Variants in DIP2B observed in about 807,000 individuals in gnomAD.
DIP2B encodes disco-interacting protein 2 homolog B.
In DIP2B, 76 loss-of-function variants were observed where a neutral mutation model predicts 198.0. That is an observed-to-expected ratio of 0.38 (90% CI 0.32 to 0.46). The LOEUF (loss-of-function observed/expected upper bound fraction) is 0.46. DIP2B is among the 20% of genes least tolerant of loss of function. DIP2B has a pLI of 0.99. For synonymous variants in DIP2B, 701 were observed against 739.1 expected (o/e 0.95, Z 0.84); for missense variants, 1,559 against 1,978.4 (o/e 0.79, Z 4.02).
chr12:50,727,879 A>G (rs1053997413), intron 29 of DIP2B, 67 bp downstream of exon 29: 6 of 1,383,224 alleles, frequency 4.3e-6, no homozygotes, highest in Admixed American at 3.4e-5. Flanking sequence ...CCCAGAAACT[A>G]TAGATGCAGA....
intron 1 of DIP2B, among the ~76,000 whole-genome samples, chr12:50,584,921 T>G (rs1019253908): frequency 6.6e-6 from 1 of 152,220 alleles, no homozygotes; most frequent in African/African-American, 2.4e-5. Context: ...CTGCATTACA[T>G]GTAGAATCAA....
intron 2 of DIP2B, among the ~76,000 whole-genome samples, chr12:50,632,619 C>T (rs1247084924): frequency 4.6e-5 from 7 of 151,526 alleles, no homozygotes; most frequent in African/African-American, 1.2e-4. Context: ...TCACTGCAAC[C>T]TCCACCTCCC....
In DIP2B at chr12:50,706,688, G is replaced by A. The variant is rs200874121; in HGVS notation, c.2534+23G>A. 5.6e-6 allele frequency: 9 copies of A among 1,612,246 alleles called. No individual in the cohort carries two copies. The African/African-American group carries it at 6.7e-5, about 12-fold the overall frequency. On this transcript the variant is annotated intron_variant, in intron 21 of 37. Transcript: ENST00000301180. ...AAGGTGAGTAGTACAAAATTCAAAT[G>A]TTAGCACCTTTTAATGGAATCTAAA...
In DIP2B at chr12:50,516,786, C is replaced by T. The variant is rs560707503; in HGVS notation, c.100+11546C>T. On this transcript the variant is annotated intron_variant, in intron 1 of 37. Coordinates refer to ENST00000301180, the MANE Select transcript of DIP2B (RefSeq NM_173602.3). ...GGTCAGGAGTTCGAGACCAGCCTGGCCAACATGGCGAAACCCTATCAGTAC... is the reference window on the plus strand; with the variant it reads ...GGTCAGGAGTTCGAGACCAGCCTGGTCAACATGGCGAAACCCTATCAGTAC... Among the ~76,000 whole-genome samples the T allele has an allele frequency of 5.3e-4, 80 of 152,094 alleles. 2 individuals are homozygous for T. The highest frequency in any genetic ancestry group is 1.9e-3 in the African/African-American group (77 of 41,520).
At chr12:50,735,448 TTTTTTTG>T (rs922281850) in intron 34 of DIP2B, among the ~76,000 whole-genome samples, 6 of 125,430 alleles carry the variant, frequency 4.8e-5, no homozygotes, top group South Asian at 2.4e-4. Flanking sequence ...TTTTCATGGT[TTTTTTTG>T]TTTTTTTGTT....
At chr12:50,687,116 A>G (rs1366927175) in intron 12 of DIP2B, among the ~76,000 whole-genome samples, 1 of 152,200 alleles carries the variant, frequency 6.6e-6, no homozygotes, top group Non-Finnish European at 1.5e-5. Flanking sequence ...AAGGTTTGAT[A>G]TTGAGGTTGG....
At chr12:50,642,440 C>T (rs1938272830) in intron 3 of DIP2B, among the ~76,000 whole-genome samples, 1 of 152,002 alleles carries the variant, frequency 6.6e-6, no homozygotes, top group African/African-American at 2.4e-5. Flanking sequence ...TGGCACAGGG[C>T]CTTCCATATA....
chr12:50,708,859 G>A lies in DIP2B; in HGVS notation c.2649+297G>A, dbSNP rs147079805. 2.9e-3 allele frequency among the ~76,000 whole-genome samples: 444 copies of A among 152,320 alleles called. 4 individuals are homozygous for A. The highest frequency in any genetic ancestry group is 0.01 in the African/African-American group (422 of 41,564). On this transcript the variant is annotated intron_variant, in intron 22 of 37. Coordinates refer to ENST00000301180, the MANE Select transcript of DIP2B (RefSeq NM_173602.3). ...ACTGTCATATGTGGAACACATCTCT[G>A]GCAGTAATCAATCCACTTGTCAACA...
At position 50,685,930 on chromosome 12, in the gene DIP2B, A is replaced by G. The variant is rs1160824768; in HGVS notation, c.1415A>G (p.Gln472Arg). 6.2e-7 allele frequency: 1 copy of G among 1,613,842 alleles called. No individual in the cohort carries two copies. The highest frequency in any genetic ancestry group is 1.3e-5 in the African/African-American group (1 of 74,946). The change falls in exon 11 of 38, where the codon CAG (glutamine) becomes CGG (arginine). Residue 472 changes from glutamine (Q) to arginine (R), a missense_variant. Transcript: ENST00000301180. ...TGTCTAAAAGGACTGCCAAAAACCCAGAATGGAGAAATTGTACAGTTTAAA... is the reference window on the plus strand; with the variant it reads ...TGTCTAAAAGGACTGCCAAAAACCCGGAATGGAGAAATTGTACAGTTTAAA... The part of the protein sequence containing the change: ...EVCLKGLPKT[Q>R]NGEIVQFKGW...
intron 1 of DIP2B, among the ~76,000 whole-genome samples, chr12:50,558,942 A>G (rs1024916621): frequency 7.2e-5 from 11 of 152,190 alleles, no homozygotes; most frequent in Non-Finnish European, 4.4e-5. Flanking sequence ...AGCCAAGAGA[A>G]TGTCCTTTCC....
intron 22 of DIP2B, among the ~76,000 whole-genome samples, chr12:50,708,889 G>C (rs1939562214): frequency 6.6e-6 from 1 of 152,236 alleles, no homozygotes; most frequent in Admixed American, 6.5e-5. Context: ...TCAACAGTCA[G>C]TCACAGTTTT....
At chr12:50,741,312 C>A in intron 36 of DIP2B, 104 bp from the exon 37 acceptor site, 1 of 1,413,002 alleles carries the variant, frequency 7.1e-7, no homozygotes, top group Non-Finnish European at 9.5e-7. Context: ...TTGGTAGGGG[C>A]AGAGCCAGGT....
chr12:50,638,911 A>C (rs940117851), intron 2 of DIP2B, among the ~76,000 whole-genome samples: 6 of 151,168 alleles, frequency 4.0e-5, no homozygotes, highest in Admixed American at 4.0e-4. Context: ...TGACCATCTG[A>C]AATCTGAAAA....
chr12:50,674,412 A>G (rs1024130847), intron 5 of DIP2B, 62 bp from the exon 6 acceptor site: 3 of 1,586,042 alleles, frequency 1.9e-6, no homozygotes, highest in Non-Finnish European at 1.7e-6. Context: ...CAAAACCCCA[A>G]AGATTTGAAG....
At chr12:50,565,439 G>A (rs1958555609) in intron 1 of DIP2B, among the ~76,000 whole-genome samples, 1 of 152,106 alleles carries the variant, frequency 6.6e-6, no homozygotes, top group Non-Finnish European at 1.5e-5. Context: ...GGGACTACAG[G>A]CGCCCGCCAC....
intron 1 of DIP2B, among the ~76,000 whole-genome samples, chr12:50,613,091 C>T (rs575872154): frequency 1.3e-5 from 2 of 152,306 alleles, no homozygotes; most frequent in East Asian, 1.9e-4. Context: ...TCATTCCTGT[C>T]ACAAAGACCT....
intron 8 of DIP2B, chr12:50,679,435 C>T (rs1473190669): frequency 1.3e-5 from 2 of 153,940 alleles, no homozygotes; most frequent in Non-Finnish European, 2.9e-5. Flanking sequence ...AGCACAGTGT[C>T]CATAGACCTA....
intron 2 of DIP2B, among the ~76,000 whole-genome samples, chr12:50,638,170 G>A (rs186423335): frequency 2.7e-4 from 41 of 152,190 alleles, no homozygotes; most frequent in Middle Eastern, 3.4e-3. Flanking sequence ...CTTTTTCTTC[G>A]GATCTCTGTT....
At chr12:50,622,773 A>G (rs1339875326) in intron 1 of DIP2B, among the ~76,000 whole-genome samples, 1 of 152,128 alleles carries the variant, frequency 6.6e-6, no homozygotes, top group Non-Finnish European at 1.5e-5. Flanking sequence ...CACCACTCTC[A>G]GCTAATTTTT....
Sources: allele counts gnomAD v4.1 joint callset (sites outside exome capture counted in the v4.1 genomes callset), GRCh38; gene constraint gnomAD v4.1.1; transcripts MANE v1.5; gene names NCBI Gene and HGNC (gene_info 2026-07-23, HGNC 2026-07-21).